Variants in GBP4 observed in about 807,000 individuals in gnomAD.
The protein encoded by GBP4 is guanylate binding protein 4.
GBP4 carries 69 observed loss-of-function variants against 62.2 expected under a neutral mutation model. That is an observed-to-expected ratio of 1.11 (90% CI 0.91 to 1.36). The LOEUF (loss-of-function observed/expected upper bound fraction) is 1.36. Among genes scored for constraint, GBP4 ranks in the 40% most tolerant of loss-of-function variants. GBP4 has a pLI of 0.00. For missense variants in GBP4, 697 were observed against 759.3 expected, an observed-to-expected ratio of 0.92 and a Z score of 0.96; for synonymous variants, 278 against 274.6, an observed-to-expected ratio of 1.01 and a Z score of -0.12.
intron 1 of GBP4, 104 bp from the exon 2 acceptor site, chr1:89,197,408 T>C: frequency 1.2e-6 from 1 of 821,806 alleles, no homozygotes. Context: ...TGGAATGGTA[T>C]ATAAAATTTC....
At chr1:89,185,590 G>T (rs748829236) in intron 10 of GBP4, 121 bp from the exon 11 acceptor site, 1 of 618,026 alleles carries the variant, frequency 1.6e-6, no homozygotes, top group East Asian at 2.7e-5. Context: ...CTTAGAAAAC[G>T]CTTTGATGAA....
Position 89,190,292 on chromosome 1 carries a change from C to A in GBP4, c.943G>T (p.Val315Leu), listed in dbSNP as rs1161702131. ...KRLGTLVVTY[V>L]DAINSGAVPC... is the part of the protein sequence containing the mutation. ...ACTGCTCCACTGTTGATGGCATCTA[C>A]ATAAGTCACCACCAGAGTCCCCAGC... Residue 315 changes from valine (V) to leucine (L), a missense_variant, in exon 7 of 11, where the codon GTA (valine) becomes TTA (leucine). Val to Leu is a conservative substitution (Grantham distance 32). This residue lies in a region of GBP4 where 556 missense variants were observed against 562.7 expected (regional missense o/e 0.99). Transcript: ENST00000355754. 1.2e-6 allele frequency: 2 copies of A among 1,610,216 alleles called. No individual in the cohort carries two copies. Among genetic ancestry groups the A allele is most frequent in the Non-Finnish European group, 1.7e-6 (2 of 1,176,872 alleles).
In GBP4 at chr1:89,188,646, A is replaced by G; in HGVS notation, c.1346T>C (p.Leu449Pro). The G allele has an allele frequency of 6.2e-7, 1 of 1,614,192 alleles. No homozygotes were observed. The highest frequency in any genetic ancestry group is 8.5e-7 in the Non-Finnish European group (1 of 1,180,044). ...AACCTGTTTCTTTTCTTCTAAGTAG[A>G]GATTGTGTCCTCCAGGAACAGAGAA... ...GIFSVPGGHN[L>P]YLEEKKQVEW... Residue 449 changes from leucine to proline, a missense_variant, in exon 8 of 11, where the codon CTC (leucine) becomes CCC (proline). This residue lies in a region of GBP4 where 556 missense variants were observed against 562.7 expected (regional missense o/e 0.99). Coordinates refer to ENST00000355754, the MANE Select transcript of GBP4 (RefSeq NM_052941.5).
In GBP4 at chr1:89,197,113, T is replaced by C. The variant is rs1006942888; in HGVS notation, c.232A>G (p.Asn78Asp). 3.1e-6 allele frequency: 5 copies of C among 1,611,142 alleles called. No homozygotes were observed. The highest frequency in any genetic ancestry group is 4.5e-5 in the East Asian group (2 of 44,824). The change falls in exon 2 of 11, where the codon AAT (asparagine) becomes GAT (aspartate). Residue 78 changes from asparagine (N) to aspartate (D), a missense_variant. Around this residue, in one of 2 missense-constraint regions of GBP4, gnomAD observed 556 missense variants for 562.7 expected, o/e 0.99. Coordinates refer to ENST00000355754, the MANE Select transcript of GBP4 (RefSeq NM_052941.5). ...YLMNRLAGKR[N>D]GFPLGSTVQS... ...CCTGTCCTAGGACCACACTCACCAT[T>C]GCGCTTTCCTGCAAGACGATTCATG...
chr1:89,197,017 A>C, intron 2 of GBP4, 93 bp downstream of exon 2: 2 of 998,876 alleles, frequency 2.0e-6, no homozygotes, highest in Non-Finnish European at 2.9e-6. Context: ...GGGAGAAGTC[A>C]TGCCCTTCTT....
Position 89,197,035 on chromosome 1 carries a change from A to G in GBP4, c.235+75T>C, listed in dbSNP as rs1470495645. The G allele has an allele frequency of 4.1e-6, 5 of 1,218,554 alleles. No homozygotes were observed. The African/African-American group carries it at 7.6e-5, about 19-fold the overall frequency. 75.5% of individuals were successfully genotyped at this position (1,218,554 alleles called of 1,614,324 possible). A position where few individuals can be genotyped will look rare whatever the true frequency, so the allele number is the denominator to read the frequency against. On this transcript the variant is annotated intron_variant, in intron 2 of 10. Coordinates refer to ENST00000355754, the MANE Select transcript of GBP4 (RefSeq NM_052941.5). Reference sequence around the variant, plus strand: ...AGAAGTCATGCCCTTCTTTAGGATGACCCTAGAGGGGGTGTGATCAGCTGT... The same window carrying G: ...AGAAGTCATGCCCTTCTTTAGGATGGCCCTAGAGGGGGTGTGATCAGCTGT...
chr1:89,183,281 A>G lies in GBP4; in HGVS notation c.*1973T>C, dbSNP rs1236772704. The stretch of plus-strand genomic sequence containing the variant: ...AATCATCTGATCTTGGACAAAGCTG[A>G]CAAAAACAAGCAATGGGGAAAGAAG... On this transcript the variant is annotated 3_prime_UTR_variant, in exon 11 of 11. Coordinates refer to ENST00000355754, the MANE Select transcript of GBP4 (RefSeq NM_052941.5). 1 of 152,230 alleles carries G rather than the reference A, an allele frequency of 6.6e-6. No individual in the cohort carries two copies. Among genetic ancestry groups the G allele is most frequent in the Non-Finnish European group, 1.5e-5 (1 of 68,040 alleles). The allele number at this position is 152,230 out of a possible 1,614,324, so 9.4% of individuals were successfully genotyped here. A position where few individuals can be genotyped will look rare whatever the true frequency, so the allele number is the denominator to read the frequency against.
At position 89,191,399 on chromosome 1, in the gene GBP4, A is replaced by C. The variant is rs765622517; in HGVS notation, c.778T>G (p.Tyr260Asp). The C allele has an allele frequency of 3.7e-6, 6 of 1,614,232 alleles. No homozygotes were observed. In the South Asian group the frequency reaches 6.6e-5, roughly 18 times the overall value. ...VFDRPTNDKQYLNHMDEVPEE... is the reference protein window; with the variant it reads ...VFDRPTNDKQDLNHMDEVPEE... ...GGCACTTCGTCCATATGATTTAAAT[A>C]TTGCTTGTCATTTGTAGGCCGGTCA... is the stretch of plus-strand genomic sequence containing the variant. The change falls in exon 6 of 11, where the codon TAT (tyrosine) becomes GAT (aspartate). Residue 260 changes from tyrosine (Y) to aspartate (D), a missense_variant. Coordinates refer to ENST00000355754, the MANE Select transcript of GBP4 (RefSeq NM_052941.5).
Position 89,191,507 on chromosome 1 carries a change from C to T in GBP4, c.671-1G>A. ...GAATTTTGAATTTTGGGATTCTTGC[C>T]TGTGGAATTGTAAAAAAGAGGGCTC... is the stretch of plus-strand genomic sequence containing the variant. On this transcript the variant is annotated splice_acceptor_variant, in intron 5 of 10. Coordinates refer to ENST00000355754, the MANE Select transcript of GBP4 (RefSeq NM_052941.5). LOFTEE classifies it high-confidence loss of function. 1 of 1,610,498 alleles carries T rather than the reference C, an allele frequency of 6.2e-7. No homozygotes were observed.
chr1:89,188,569 C>A lies in GBP4; in HGVS notation c.1410+13G>T. 6.2e-7 allele frequency: 1 copy of A among 1,605,080 alleles called. No homozygotes were observed. Among genetic ancestry groups the A allele is most frequent in the South Asian group, 1.1e-5 (1 of 90,906 alleles). ...ATCCTCTGTTATCCATCCCCCATTCCCCTTTTCCTCACCTTAACTCCTTTT... is the reference window on the plus strand; with the variant it reads ...ATCCTCTGTTATCCATCCCCCATTCACCTTTTCCTCACCTTAACTCCTTTT... On this transcript the variant is annotated intron_variant, in intron 8 of 10. Coordinates refer to ENST00000355754, the MANE Select transcript of GBP4 (RefSeq NM_052941.5).
Position 89,186,450 on chromosome 1 carries a change from C to T in GBP4, c.1590G>A (p.Met530Ile). The T allele has an allele frequency of 6.2e-7, 1 of 1,613,556 alleles. No homozygotes were observed. Among genetic ancestry groups the T allele is most frequent in the Non-Finnish European group, 8.5e-7 (1 of 1,179,510 alleles). Residue 530 changes from methionine to isoleucine, a missense_variant, in exon 10 of 11, where the codon ATG (methionine) becomes ATA (isoleucine). Coordinates refer to ENST00000355754, the MANE Select transcript of GBP4 (RefSeq NM_052941.5). The stretch of plus-strand genomic sequence containing the variant: ...GGAAGCTTCTCTCTTGAGCCTCCAT[C>T]ATTTGCTGCTGCTCCTTCTGTTTTT... ...LREKQKEQQQ[M>I]MEAQERSFQE...
rs146807380 is a variant in GBP4 at position 89,193,147 on chromosome 1, A to G, written c.474-47T>C. ...GATAGCACCCTACACCATCATTTCC[A>G]TATCTCACTTAGAAACAAGTTTTAT... is the stretch of plus-strand genomic sequence containing the variant. On this transcript the variant is annotated intron_variant, in intron 4 of 10. Transcript: ENST00000355754. The G allele has an allele frequency of 9.6e-4, 1,520 of 1,587,700 alleles. 9 individuals are homozygous for G. In the African/African-American group the frequency reaches 0.018, roughly 18 times the overall value.
At chr1:89,193,497 CT>C in intron 3 of GBP4, 85 bp from the exon 4 acceptor site, 1 of 1,218,716 alleles carries the variant, frequency 8.2e-7, no homozygotes, top group Non-Finnish European at 1.2e-6. Flanking sequence ...GCTATTTCAG[CT>C]GTATGATAGT....
chr1:89,192,082 T>C (rs987195597), intron 5 of GBP4, among the ~76,000 whole-genome samples: 5 of 152,212 alleles, frequency 3.3e-5, no homozygotes, highest in African/African-American at 1.2e-4. Context: ...CAGATATAAC[T>C]TGGAGACCTC....
At chr1:89,190,711 T>G (rs535036804) in intron 6 of GBP4, among the ~76,000 whole-genome samples, 2 of 151,920 alleles carry the variant, frequency 1.3e-5, no homozygotes, top group East Asian at 3.9e-4. Flanking sequence ...TTCTTATTCT[T>G]TACAAGGGAA....
At chr1:89,198,681 A>G (rs946924712) in intron 1 of GBP4, 114 bp downstream of exon 1, 1 of 914,690 alleles carries the variant, frequency 1.1e-6, no homozygotes, top group Non-Finnish European at 1.8e-6. Flanking sequence ...TGCCTTTGTC[A>G]CCCGCCAGTG....
chr1:89,193,135 A>G (rs1479882467), intron 4 of GBP4, 35 bp from the exon 5 acceptor site: 5 of 1,598,044 alleles, frequency 3.1e-6, no homozygotes, highest in Middle Eastern at 1.7e-4. Context: ...AGCACCCTAC[A>G]CCATCATTTC....
chr1:89,189,411 A>C (rs1488002050), intron 7 of GBP4, among the ~76,000 whole-genome samples: 1 of 152,248 alleles, frequency 6.6e-6, no homozygotes, highest in African/African-American at 2.4e-5. Context: ...TATGGTAAGT[A>C]GATTTAAGAT....
At chr1:89,189,968 G>A in intron 7 of GBP4, 70 bp downstream of exon 7, 1 of 1,450,562 alleles carries the variant, frequency 6.9e-7, no homozygotes. Context: ...TGAACCATGG[G>A]GTCAAAAAGC....
Sources: allele counts gnomAD v4.1 joint callset (sites outside exome capture counted in the v4.1 genomes callset), GRCh38; gene constraint gnomAD v4.1.1; regional missense constraint gnomAD v4.1.1; transcripts MANE v1.5; gene names NCBI Gene and HGNC (gene_info 2026-07-23, HGNC 2026-07-21).